Variants in VOPP1 observed in about 807,000 individuals in gnomAD.
VOPP1 encodes the protein WW domain binding protein VOPP1.
VOPP1 carries 8 observed loss-of-function variants against 23.5 expected under a neutral mutation model. That is an observed-to-expected ratio of 0.34 (90% CI 0.20 to 0.61). The LOEUF (loss-of-function observed/expected upper bound fraction) is 0.61. VOPP1 is among the 20% of genes least tolerant of loss of function. The pLI, the probability that VOPP1 is intolerant of heterozygous loss-of-function variation, is 0.78. For missense variants in VOPP1, 174 were observed against 238.1 expected (o/e 0.73, Z 1.77); for synonymous variants, 83 against 97.3 (o/e 0.85, Z 0.86).
At position 55,520,512 on chromosome 7, in the gene VOPP1, T is replaced by C. The variant is rs758395723; in HGVS notation, c.113+560A>G. On this transcript the variant is annotated intron_variant, in intron 2 of 4. Coordinates refer to ENST00000285279, the MANE Select transcript of VOPP1 (RefSeq NM_030796.5). ...ACAGGAAGAAAATGCAGCAATGCCC[T>C]CATTACAGAAAGACTGGCAGACACT... Among the ~76,000 whole-genome samples, 190 of 152,246 alleles carry C rather than the reference T, an allele frequency of 1.2e-3. 1 individual carries two copies. Among genetic ancestry groups the C allele is most frequent in the Non-Finnish European group, 2.1e-3 (144 of 68,012 alleles).
At chr7:55,520,243 T>C (rs926806770) in intron 2 of VOPP1, among the ~76,000 whole-genome samples, 12 of 152,246 alleles carry the variant, frequency 7.9e-5, no homozygotes, top group African/African-American at 2.7e-4. Flanking sequence ...TGCTAGAATA[T>C]ATAGTGTTTC....
chr7:55,522,422 T>C (rs1313649504), intron 1 of VOPP1, among the ~76,000 whole-genome samples: 1 of 152,232 alleles, frequency 6.6e-6, no homozygotes, highest in Non-Finnish European at 1.5e-5. Context: ...GGTTAGCTCC[T>C]GTCCAGTTTA....
At chr7:55,439,210 A>T (rs1790904558) in intron 4 of VOPP1, among the ~76,000 whole-genome samples, 2 of 152,118 alleles carry the variant, frequency 1.3e-5, no homozygotes, top group African/African-American at 4.8e-5. Context: ...GAAGGGAGCC[A>T]GGACACAGCC....
chr7:55,537,668 C>T (rs191360058), intron 1 of VOPP1: 2 of 1,495,450 alleles, frequency 1.3e-6, no homozygotes, highest in African/African-American at 2.8e-5. Flanking sequence ...CTGCAGTATC[C>T]TCCTCTGTTG....
intron 2 of VOPP1, among the ~76,000 whole-genome samples, chr7:55,519,828 C>T (rs1403467574): frequency 6.6e-6 from 1 of 152,226 alleles, no homozygotes; most frequent in Non-Finnish European, 1.5e-5. Flanking sequence ...CTGGGCTCCT[C>T]AAGAATGACA....
chr7:55,515,185 T>C (rs1011472557), intron 2 of VOPP1, among the ~76,000 whole-genome samples: 1 of 152,196 alleles, frequency 6.6e-6, no homozygotes, highest in Non-Finnish European at 1.5e-5. Context: ...GCACCTGGGC[T>C]GGAAATCTCA....
chr7:55,566,295 T>C (rs142988439), intron 1 of VOPP1, among the ~76,000 whole-genome samples: 38 of 152,210 alleles, frequency 2.5e-4, no homozygotes, highest in African/African-American at 7.7e-4. Flanking sequence ...ATTATAGAAT[T>C]TTGTCAGGAA....
chr7:55,515,040 T>C (rs928151409), intron 2 of VOPP1, among the ~76,000 whole-genome samples: 1 of 152,172 alleles, frequency 6.6e-6, no homozygotes, highest in African/African-American at 2.4e-5. Context: ...GTCCACACCC[T>C]GGCATACAGG....
intron 4 of VOPP1, among the ~76,000 whole-genome samples, chr7:55,457,619 A>AT (rs56695972): frequency 0.28 from 41,621 of 149,090 alleles, 6,882 homozygotes; most frequent in East Asian, 0.49. Context: ...TGTTGCCAGC[A>AT]TTTTTTTTTT....
chr7:55,465,987 T>C (rs1791621736), downstream of VOPP1, among the ~76,000 whole-genome samples: 1 of 152,064 alleles, frequency 6.6e-6, no homozygotes, highest in South Asian at 2.1e-4. Flanking sequence ...TGTTTGAAGG[T>C]GGGCCCTTTG....
intron 4 of VOPP1, among the ~76,000 whole-genome samples, chr7:55,457,680 T>C (rs1284175354): frequency 6.6e-6 from 1 of 152,162 alleles, no homozygotes; most frequent in East Asian, 1.9e-4. Context: ...TATCTCATTG[T>C]GGTTTTGATA....
At chr7:55,568,843 T>C (rs914412277) in intron 1 of VOPP1, among the ~76,000 whole-genome samples, 1 of 152,188 alleles carries the variant, frequency 6.6e-6, no homozygotes, top group Non-Finnish European at 1.5e-5. Context: ...CCACTGAGAA[T>C]AACTTCAGCA....
intron 2 of VOPP1, among the ~76,000 whole-genome samples, chr7:55,511,964 C>G (rs917434960): frequency 9.9e-5 from 15 of 152,154 alleles, no homozygotes; most frequent in African/African-American, 3.6e-4. Flanking sequence ...GAATTACAGA[C>G]AAGGAACTGA....
intron 4 of VOPP1, among the ~76,000 whole-genome samples, chr7:55,456,982 T>C (rs1239442386): frequency 6.6e-6 from 1 of 152,146 alleles, no homozygotes; most frequent in Non-Finnish European, 1.5e-5. Flanking sequence ...AAATATATTA[T>C]TAACTATAGT....
intron 2 of VOPP1, among the ~76,000 whole-genome samples, chr7:55,517,427 G>A (rs895823966): frequency 1.3e-5 from 2 of 152,074 alleles, no homozygotes; most frequent in Admixed American, 1.3e-4. Flanking sequence ...AATGAATGAA[G>A]TGCAGCCATC....
At chr7:55,544,040 T>C (rs1797254886) in intron 1 of VOPP1, among the ~76,000 whole-genome samples, 1 of 152,270 alleles carries the variant, frequency 6.6e-6, no homozygotes, top group African/African-American at 2.4e-5. Context: ...AATACTTTCA[T>C]AGTTCCAGGT....
chr7:55,498,717 C>A (rs1404884453), intron 2 of VOPP1, among the ~76,000 whole-genome samples: 5 of 152,090 alleles, frequency 3.3e-5, no homozygotes. Flanking sequence ...TACAATTCAG[C>A]CTAAGGTCTT....
Position 55,443,642 on chromosome 7 carries a change from C to CT in VOPP1, n.418-7469_418-7468insA, listed in dbSNP as rs1255584636. Among the ~76,000 whole-genome samples the CT allele has an allele frequency of 6.1e-4, 78 of 127,606 alleles. 2 individuals are homozygous for CT. The highest frequency in any genetic ancestry group is 1.7e-5 in the Non-Finnish European group (1 of 58,352). 83.7% of individuals were successfully genotyped at this position (127,606 alleles called of 152,430 possible). ...TGTAAAGATATGAAGGAATTATTGT[C>CT]CCTTTTTTTTTTTTTTTTTGAGACG... On this transcript the variant is annotated intron_variant and non_coding_transcript_variant, in intron 4 of 4. Coordinates refer to the VOPP1 transcript ENST00000462326.
intron 4 of VOPP1, among the ~76,000 whole-genome samples, chr7:55,491,191 T>A (rs1335278006): frequency 6.6e-6 from 1 of 152,224 alleles, no homozygotes; most frequent in Admixed American, 6.5e-5. Context: ...TACAAAAGTT[T>A]TCTCTGCTCT....
Sources: gnomAD v4.1 joint callset for allele counts (sites outside exome capture counted in the v4.1 genomes callset) on GRCh38, gnomAD v4.1.1 for gene constraint, MANE v1.5 for transcripts, NCBI Gene and HGNC (gene_info 2026-07-23, HGNC 2026-07-21) for gene names.